Variants in PDE1C observed in about 807,000 individuals in gnomAD.
PDE1C encodes phosphodiesterase 1C.
Under a neutral mutation model 93.1 loss-of-function variants are expected in PDE1C, and 62 were observed. The observed-to-expected ratio is 0.67, with a 90% CI of 0.54 to 0.82. PDE1C has a LOEUF of 0.82. PDE1C is among the 40% of genes least tolerant of loss of function. The pLI, the probability that PDE1C is intolerant of heterozygous loss-of-function variation, is 0.00. For synonymous variants in PDE1C, 325 were observed against 310.1 expected, an observed-to-expected ratio of 1.05 and a Z score of -0.50; for missense variants, 742 against 884.6, an observed-to-expected ratio of 0.84 and a Z score of 2.04.
At chr7:31,919,379 GATAATA>G (rs920823119) in intron 2 of PDE1C, among the ~76,000 whole-genome samples, 2 of 152,106 alleles carry the variant, frequency 1.3e-5, no homozygotes, top group South Asian at 4.2e-4. Context: ...AAATGGGAGT[GATAATA>G]ATAAGAAAGC....
chr7:31,916,644 C>T (rs559809104), intron 2 of PDE1C, among the ~76,000 whole-genome samples: 52 of 152,290 alleles, frequency 3.4e-4, no homozygotes, highest in African/African-American at 1.2e-3. Flanking sequence ...CTGTATTTAT[C>T]AGGTAACCCT....
At chr7:31,986,763 C>T (rs939481299) in intron 2 of PDE1C, among the ~76,000 whole-genome samples, 1 of 152,026 alleles carries the variant, frequency 6.6e-6, no homozygotes, top group Admixed American at 6.6e-5. Flanking sequence ...CCACTAACCC[C>T]CTTGATTTTG....
rs215607 is a variant in PDE1C at position 32,298,725 on chromosome 7, G to A, written c.11C>T (p.Ala4Val). 0.78 allele frequency: 1,245,210 copies of A among 1,598,586 alleles called. 485,657 individuals are homozygous for A. The highest frequency in any genetic ancestry group is 0.83 in the Admixed American group (48,471 of 58,242). The stretch of plus-strand genomic sequence containing the variant: ...TTTGAAGCCCTCCTTCCTGTTGCCG[G>A]CGTCCGTCATGGCTCGGCCGGCCGG... The change falls in exon 1 of 19, where the codon GCC becomes GTC. Residue 4 changes from alanine (A) to valine (V), a missense_variant. Ala to Val is a moderately conservative substitution (Grantham distance 64). Transcript: ENST00000396193.
At chr7:31,965,095 A>G (rs1430810003) in intron 2 of PDE1C, among the ~76,000 whole-genome samples, 1 of 152,252 alleles carries the variant, frequency 6.6e-6, no homozygotes, top group Non-Finnish European at 1.5e-5. Flanking sequence ...GCAACGGAAC[A>G]ATGCTGGACG....
At chr7:31,656,531 A>ACT in the PDE1C span, 730,905 of 960,352 alleles carry the variant, frequency 0.76, 279,442 homozygotes, top group East Asian at 0.81. Flanking sequence ...GTTGAAAAGA[A>ACT]CTGTTAGCAA....
intron 2 of PDE1C, among the ~76,000 whole-genome samples, chr7:32,208,758 T>C (rs1805798689): frequency 6.6e-6 from 1 of 152,110 alleles, no homozygotes; most frequent in Admixed American, 6.5e-5. Flanking sequence ...GGAAGTGCAT[T>C]AACTTGCGGG....
At chr7:31,895,020 A>C (rs1799103715) in intron 2 of PDE1C, among the ~76,000 whole-genome samples, 1 of 152,150 alleles carries the variant, frequency 6.6e-6, no homozygotes, top group Non-Finnish European at 1.5e-5. Context: ...GACTCCCAGG[A>C]CACCCTTACA....
the PDE1C span, among the ~76,000 whole-genome samples, chr7:31,647,641 T>C: frequency 8.0e-6 from 1 of 125,282 alleles, no homozygotes; most frequent in Non-Finnish European, 1.6e-5. Flanking sequence ...GCCACTGCAC[T>C]CCAGCCTGAG....
At chr7:31,724,675 A>G in the PDE1C span, among the ~76,000 whole-genome samples, 42 of 152,234 alleles carry the variant, frequency 2.8e-4, no homozygotes, top group Non-Finnish European at 3.8e-4. Flanking sequence ...AAAGTGTCTT[A>G]TGACAGGAAA....
chr7:31,885,150 C>T (rs570519627), intron 2 of PDE1C, among the ~76,000 whole-genome samples: 37 of 152,010 alleles, frequency 2.4e-4, no homozygotes, highest in African/African-American at 8.9e-4. Flanking sequence ...TTGGTCTGGA[C>T]ACCTAAGGGG....
intron 3 of PDE1C, among the ~76,000 whole-genome samples, chr7:32,134,506 C>G (rs1022338411): frequency 8.6e-5 from 13 of 151,892 alleles, no homozygotes; most frequent in Non-Finnish European, 1.8e-4. Context: ...GAAGAAATAG[C>G]CAATGAGGCA....
At chr7:32,339,094 T>C (rs11768955) in intron 1 of PDE1C, among the ~76,000 whole-genome samples, 8,926 of 147,910 alleles carry the variant, frequency 0.06, 347 homozygotes, top group Non-Finnish European at 0.083. Context: ...AGAAAAAAAA[T>C]TGAGTTTTAT....
the PDE1C span, among the ~76,000 whole-genome samples, chr7:31,631,847 G>T: frequency 1.3e-5 from 2 of 152,292 alleles, no homozygotes; most frequent in African/African-American, 4.8e-5. Flanking sequence ...CTTGTCTCAG[G>T]ATTATTTTCA....
intron 2 of PDE1C, among the ~76,000 whole-genome samples, chr7:31,995,113 G>C (rs1784564741): frequency 6.6e-6 from 1 of 152,200 alleles, no homozygotes. Flanking sequence ...TTTGTTTCCA[G>C]ATGCTATTTT....
the PDE1C span, among the ~76,000 whole-genome samples, chr7:31,620,928 G>GAAAGC: frequency 7.9e-5 from 12 of 152,150 alleles, no homozygotes; most frequent in East Asian, 1.7e-3. Context: ...TGATGGAGCT[G>GAAAGC]AAAGCCAAGG....
intron 15 of PDE1C, among the ~76,000 whole-genome samples, chr7:31,815,413 C>T (rs7791935): frequency 0.97 from 147,487 of 152,206 alleles, 71,483 homozygotes; most frequent in Admixed American, 0.98. Flanking sequence ...GCCTGGAGCT[C>T]TTCTGTTTTT....
At chr7:32,189,712 T>C (rs1252881882) in intron 2 of PDE1C, among the ~76,000 whole-genome samples, 2 of 152,170 alleles carry the variant, frequency 1.3e-5, no homozygotes, top group East Asian at 3.9e-4. Context: ...AATAAAAGCG[T>C]TTGAAAGTAA....
intron 1 of PDE1C, among the ~76,000 whole-genome samples, chr7:32,319,323 G>C (rs73089957): frequency 6.6e-6 from 1 of 152,128 alleles, no homozygotes; most frequent in Non-Finnish European, 1.5e-5. Context: ...CCTGCCCCTT[G>C]ACTTGGTGTT....
At chr7:31,653,065 T>C in the PDE1C span, 15 of 1,027,544 alleles carry the variant, frequency 1.5e-5, no homozygotes, top group Admixed American at 3.1e-5. Context: ...AGTGACTAAA[T>C]AGTATACGGT....
Sources: gnomAD v4.1 joint callset for allele counts (sites outside exome capture counted in the v4.1 genomes callset) on GRCh38, gnomAD v4.1.1 for gene constraint, MANE v1.5 for transcripts, NCBI Gene and HGNC (gene_info 2026-07-23, HGNC 2026-07-21) for gene names.